Variants in ZEB2 observed in about 807,000 individuals in gnomAD.
The protein encoded by ZEB2 is zinc finger E-box-binding homeobox 2.
In ZEB2, 6 loss-of-function variants were observed where a neutral mutation model predicts 99.9. The observed-to-expected ratio is 0.06, with a 90% CI of 0.03 to 0.12. ZEB2 has a LOEUF of 0.12. Ranked by LOEUF, ZEB2 falls within the 10% of genes least tolerant of loss-of-function variation. The pLI is 1.00. For synonymous variants in ZEB2, 517 were observed against 542.5 expected, an observed-to-expected ratio of 0.95 and a Z score of 0.65; for missense variants, 969 against 1,502.8, an observed-to-expected ratio of 0.64 and a Z score of 5.87.
At chr2:144,429,578 G>GT in intron 3 of ZEB2, 191 bp downstream of exon 3, 1 of 856,664 alleles carries the variant, frequency 1.2e-6, no homozygotes, top group South Asian at 1.7e-5. Context: ...TTCCTAAGAT[G>GT]TAACTGCCGC....
At chr2:144,456,158 C>T (rs955368005) in intron 2 of ZEB2, among the ~76,000 whole-genome samples, 4 of 151,924 alleles carry the variant, frequency 2.6e-5, no homozygotes, top group African/African-American at 9.7e-5. Flanking sequence ...CAGTTGGAAT[C>T]AGCTGAGGAT....
Position 144,399,178 on chromosome 2 carries a change from T to C in ZEB2, c.2009A>G (p.Asn670Ser). 6.2e-7 allele frequency: 1 copy of C among 1,614,096 alleles called. No individual in the cohort carries two copies. Residue 670 changes from asparagine (N) to serine (S), a missense_variant, in exon 8 of 10, where the codon AAC (asparagine) becomes AGC (serine). Asn to Ser is a conservative substitution (Grantham distance 46). Transcript: ENST00000627532. The surrounding 1 kb of genome is among the most constrained non-coding windows in gnomAD (Gnocchi z 5.6). ...GGAAATTTTCAGCAGTTCATCGGAG[T>C]TGGGCTCCATGTTCATAGCATAGTA... ...KAYYAMNMEP[N>S]SDELLKISIA...
intron 2 of ZEB2, among the ~76,000 whole-genome samples, chr2:144,488,590 A>C (rs1342012853): frequency 6.6e-6 from 1 of 152,018 alleles, no homozygotes. Flanking sequence ...CATTCTTTGG[A>C]ATTAAGCAGG....
intron 2 of ZEB2, among the ~76,000 whole-genome samples, chr2:144,440,532 T>C (rs867737581): frequency 1.1e-5 from 1 of 94,674 alleles, no homozygotes; most frequent in African/African-American, 4.8e-5. Context: ...TTTTTTTTTT[T>C]TTTTTTTTTT....
At chr2:144,423,634 T>C (rs1427346257) in intron 4 of ZEB2, among the ~76,000 whole-genome samples, 1 of 152,206 alleles carries the variant, frequency 6.6e-6, no homozygotes. Context: ...TCTATACTTT[T>C]TCTAGAATCA....
intron 2 of ZEB2, chr2:144,464,005 A>G (rs1251272512): frequency 6.6e-6 from 1 of 152,232 alleles, no homozygotes; most frequent in Non-Finnish European, 1.5e-5. Context: ...TTCATGGGGA[A>G]AGAGGTCATG....
At chr2:144,408,061 GT>G (rs1703411384) in intron 4 of ZEB2, among the ~76,000 whole-genome samples, 1 of 152,302 alleles carries the variant, frequency 6.6e-6, no homozygotes, top group East Asian at 1.9e-4. Flanking sequence ...CACTACTGTT[GT>G]TTGGAGAGGT....
intron 4 of ZEB2, 73 bp downstream of exon 4, chr2:144,424,723 G>C: frequency 1.3e-6 from 2 of 1,551,594 alleles, no homozygotes; most frequent in East Asian, 2.2e-5. Flanking sequence ...ATGTGTCACT[G>C]TTTCCTTCCC....
intron 2 of ZEB2, among the ~76,000 whole-genome samples, chr2:144,489,004 A>G (rs1248571502): frequency 1.3e-5 from 2 of 152,196 alleles, no homozygotes; most frequent in African/African-American, 4.8e-5. Context: ...GTTTTTAAAA[A>G]GGCATGAATG....
rs140730390 is a variant in ZEB2 at position 144,488,615 on chromosome 2, T to C, written c.73+28663A>G. On this transcript the variant is annotated intron_variant, in intron 2 of 9. Coordinates refer to ENST00000627532, the MANE Select transcript of ZEB2 (RefSeq NM_014795.4). ...AATTAAGCAGGAAAAGTTGCTTAAA[T>C]AACACTTTAAGTGCTATAAATATTA... Among the ~76,000 whole-genome samples, 12 of 152,134 alleles carry C rather than the reference T, an allele frequency of 7.9e-5. No individual in the cohort carries two copies. In the East Asian group the frequency reaches 2.3e-3, roughly 29 times the overall value.
At chr2:144,513,087 A>G (rs1360131567) in intron 2 of ZEB2, 1 of 1,287,080 alleles carries the variant, frequency 7.8e-7, no homozygotes, top group East Asian at 5.6e-5. Context: ...TTCACCTCTC[A>G]GGGAGGAGAG....
chr2:144,480,185 C>T (rs1237328823), intron 2 of ZEB2, among the ~76,000 whole-genome samples: 3 of 152,074 alleles, frequency 2.0e-5, no homozygotes, highest in Admixed American at 2.0e-4. Flanking sequence ...GATATTATGG[C>T]TCCCCATAAA....
At position 144,429,807 on chromosome 2, in the gene ZEB2, T is replaced by C. The variant is rs1703744211; in HGVS notation, c.293A>G (p.His98Arg). 6.2e-7 allele frequency: 1 copy of C among 1,613,756 alleles called. No individual in the cohort carries two copies. The highest frequency in any genetic ancestry group is 1.7e-5 in the Admixed American group (1 of 59,962). ...IREGGVEHPW[H>R]NNEILQASVD... ...AGAGGCTTGTAGAATCTCGTTGTTG[T>C]GCCAGGGGTGTTCCACTCCACCCTC... The change falls in exon 3 of 10, where the codon CAC (histidine) becomes CGC (arginine). Residue 98 changes from histidine (H) to arginine (R), a missense_variant. Transcript: ENST00000627532.
At chr2:144,404,173 T>C (rs1213324450) in intron 5 of ZEB2, 43 bp from the exon 6 acceptor site, 1 of 1,606,000 alleles carries the variant, frequency 6.2e-7, no homozygotes, top group South Asian at 1.1e-5. Flanking sequence ...GGCCAAAAGG[T>C]CAGTAAATCA....
Position 144,403,907 on chromosome 2 carries a change from T to C in ZEB2, c.807+9A>G. ...TATAGAAAGAAATCACTTAAAACCA[T>C]CCCCCCACCTGATCTGTCCCTGGCT... On this transcript the variant is annotated intron_variant, in intron 6 of 9. Transcript: ENST00000627532. 6.2e-7 allele frequency: 1 copy of C among 1,614,028 alleles called. No individual in the cohort carries two copies. Among genetic ancestry groups the C allele is most frequent in the Non-Finnish European group, 8.5e-7 (1 of 1,180,000 alleles).
rs1345627884 is a variant in ZEB2, at chr2:144,398,556, G to A, written c.2631C>T (p.Asn877=). The part of the protein sequence containing the change: ...KEFSNSNNLD[N]KSTNPVFSMN... ...TGCTGAACACTGGGTTAGTGCTTTT[G>A]TTGTCCAGATTATTTGAATTTGAAA... The change falls in exon 8 of 10, where the codon AAC becomes AAT. Residue 877 remains asparagine (N), a synonymous_variant. Coordinates refer to ENST00000627532, the MANE Select transcript of ZEB2 (RefSeq NM_014795.4). 1.1e-5 allele frequency: 17 copies of A among 1,614,034 alleles called. No individual in the cohort carries two copies. Among genetic ancestry groups the A allele is most frequent in the Non-Finnish European group, 1.4e-5 (17 of 1,180,014 alleles).
At chr2:144,517,950 C>A in intron 1 of ZEB2, 2 of 394,888 alleles carry the variant, frequency 5.1e-6, no homozygotes, top group South Asian at 3.2e-5. Context: ...CCCAGCGCCC[C>A]CTCCCCTCCC....
chr2:144,473,670 CAAG>C (rs972303694), intron 2 of ZEB2, among the ~76,000 whole-genome samples: 2 of 151,954 alleles, frequency 1.3e-5, no homozygotes, highest in Non-Finnish European at 2.9e-5. Flanking sequence ...TGAGGAATGC[CAAG>C]AAGATGATCT....
intron 4 of ZEB2, among the ~76,000 whole-genome samples, chr2:144,407,244 C>T (rs1464705632): frequency 6.6e-6 from 1 of 152,146 alleles, no homozygotes; most frequent in African/African-American, 2.4e-5. Context: ...ACAAGAACAA[C>T]GGTCTATTCC....
Sources: gnomAD v4.1 joint callset for allele counts (sites outside exome capture counted in the v4.1 genomes callset) on GRCh38, gnomAD v4.1.1 for gene constraint, Gnocchi (gnomAD v3.1) non-coding constraint, MANE v1.5 for transcripts, NCBI Gene and HGNC (gene_info 2026-07-23, HGNC 2026-07-21) for gene names.